The following RIMS2 variants were observed in gnomAD, a reference collection of about 807,000 sequenced individuals.
RIMS2 encodes regulating synaptic membrane exocytosis 2.
A neutral mutation model predicts 174.4 loss-of-function variants in RIMS2; 59 were observed. The observed-to-expected ratio is 0.34, with a 90% CI of 0.27 to 0.42. The LOEUF (loss-of-function observed/expected upper bound fraction) is 0.42, where lower values mean the gene tolerates loss of function less well. Ranked by LOEUF, RIMS2 falls within the 10% of genes least tolerant of loss-of-function variation. The pLI, the probability that RIMS2 is intolerant of heterozygous loss-of-function variation, is 1.00. For synonymous variants in RIMS2, 606 were observed against 572.5 expected (o/e 1.06, Z -0.84); for missense variants, 1,620 against 1,666.3 (o/e 0.97, Z 0.48).
chr8:103,516,294 A>T (rs1828923742), intron 1 of RIMS2, among the ~76,000 whole-genome samples: 1 of 152,158 alleles, frequency 6.6e-6, no homozygotes, highest in Non-Finnish European at 1.5e-5. Flanking sequence ...ACAGGAACCA[A>T]AATTTGAGAA....
chr8:103,723,727 T>A (rs1384354391), intron 2 of RIMS2, among the ~76,000 whole-genome samples: 1 of 152,198 alleles, frequency 6.6e-6, no homozygotes, highest in East Asian at 1.9e-4. Context: ...AGCCTGGTGA[T>A]GGGACTTGCT....
chr8:104,072,701 C>T (rs2154561822), intron 19 of RIMS2, among the ~76,000 whole-genome samples: 1 of 152,080 alleles, frequency 6.6e-6, no homozygotes, highest in Non-Finnish European at 1.5e-5. Context: ...GGCATTGCTC[C>T]CTGAATTTCT....
chr8:103,505,284 T>C (rs1390726833), intron 1 of RIMS2, among the ~76,000 whole-genome samples: 2 of 152,148 alleles, frequency 1.3e-5, no homozygotes, highest in African/African-American at 2.4e-5. Context: ...ATTGTGTGTG[T>C]CTGTATATGT....
chr8:104,169,086 G>C (rs1484738453), intron 19 of RIMS2, among the ~76,000 whole-genome samples: 1 of 151,460 alleles, frequency 6.6e-6, no homozygotes, highest in African/African-American at 2.4e-5. Flanking sequence ...TATTAAATAT[G>C]TTCATTATGG....
chr8:103,842,400 AAAT>A (rs2098945520), intron 3 of RIMS2, among the ~76,000 whole-genome samples: 1 of 152,146 alleles, frequency 6.6e-6, no homozygotes, highest in Non-Finnish European at 1.5e-5. Flanking sequence ...AACTAAAAAT[AAAT>A]AATGTGGCAA....
At chr8:103,839,651 T>C (rs962275895) in intron 3 of RIMS2, among the ~76,000 whole-genome samples, 2 of 152,302 alleles carry the variant, frequency 1.3e-5, no homozygotes, top group Admixed American at 1.3e-4. Context: ...AGGTGCAGTC[T>C]ACTAGGCTCC....
At chr8:104,068,538 C>G (rs565054494) in intron 19 of RIMS2, 1 of 1,555,668 alleles carries the variant, frequency 6.4e-7, no homozygotes, top group Non-Finnish European at 8.7e-7. Flanking sequence ...GGAGAGAAAT[C>G]GCCAAATGAA....
chr8:103,921,319 ATGT>A (rs2077611923), intron 9 of RIMS2, among the ~76,000 whole-genome samples: 1 of 152,050 alleles, frequency 6.6e-6, no homozygotes, highest in Non-Finnish European at 1.5e-5. Context: ...TTAATGATTT[ATGT>A]TTTGATTACT....
intron 19 of RIMS2, among the ~76,000 whole-genome samples, chr8:104,189,425 T>C (rs1165628497): frequency 6.6e-6 from 1 of 151,808 alleles, no homozygotes. Context: ...CTTAGGTGTG[T>C]CCCTTCACTT....
intron 3 of RIMS2, among the ~76,000 whole-genome samples, chr8:103,839,260 T>C (rs1286878645): frequency 6.6e-6 from 1 of 152,240 alleles, no homozygotes; most frequent in East Asian, 1.9e-4. Flanking sequence ...GGATTCATTT[T>C]CTTGCTTCTT....
chr8:103,575,681 C>CATAT (rs199658419), intron 1 of RIMS2, among the ~76,000 whole-genome samples: 315 of 141,886 alleles, frequency 2.2e-3, no homozygotes, highest in Non-Finnish European at 2.9e-3. Context: ...TACACACACA[C>CATAT]ACACATATAT....
chr8:103,930,246 G>A (rs1022434052), intron 11 of RIMS2, among the ~76,000 whole-genome samples: 17 of 151,932 alleles, frequency 1.1e-4, no homozygotes, highest in African/African-American at 4.1e-4. Context: ...TGACTCAAAA[G>A]TTGCTCGGTG....
intron 19 of RIMS2, among the ~76,000 whole-genome samples, chr8:104,087,110 TA>T (rs2097549556): frequency 6.6e-6 from 1 of 152,142 alleles, no homozygotes; most frequent in Non-Finnish European, 1.5e-5. Context: ...ATTAGGTGAC[TA>T]AACTCTATAC....
intron 1 of RIMS2, among the ~76,000 whole-genome samples, chr8:103,594,800 T>C (rs1164162966): frequency 1.3e-5 from 2 of 151,788 alleles, no homozygotes; most frequent in Admixed American, 6.6e-5. Context: ...TTCAAATCTT[T>C]AGATGTGTTT....
At chr8:104,105,527 C>G (rs2098031093) in intron 19 of RIMS2, among the ~76,000 whole-genome samples, 1 of 151,922 alleles carries the variant, frequency 6.6e-6, no homozygotes. Context: ...AATTCAATAC[C>G]ATATCTCTCT....
At chr8:103,924,807 G>GT (rs912514714) in intron 10 of RIMS2, among the ~76,000 whole-genome samples, 39 of 151,682 alleles carry the variant, frequency 2.6e-4, no homozygotes, top group African/African-American at 8.9e-4. Flanking sequence ...GCTCAAGGCT[G>GT]TTGATTTTTT....
intron 19 of RIMS2, among the ~76,000 whole-genome samples, chr8:104,141,070 T>G (rs1393344031): frequency 6.6e-6 from 1 of 152,144 alleles, no homozygotes; most frequent in Non-Finnish European, 1.5e-5. Context: ...GCTTAATTGT[T>G]TTTAAAGAAG....
At chr8:104,139,423 C>T (rs960428827) in intron 19 of RIMS2, among the ~76,000 whole-genome samples, 4 of 151,942 alleles carry the variant, frequency 2.6e-5, no homozygotes, top group Non-Finnish European at 4.4e-5. Context: ...TTTTTTGTGT[C>T]CTCTTCAATT....
intron 2 of RIMS2, among the ~76,000 whole-genome samples, chr8:103,724,076 A>T (rs552356241): frequency 7.7e-6 from 1 of 130,362 alleles, no homozygotes; most frequent in African/African-American, 2.9e-5. Context: ...CACAGAAATG[A>T]TCTCTCTTGG....
Sources: gnomAD v4.1 joint callset for allele counts (sites outside exome capture counted in the v4.1 genomes callset) on GRCh38, gnomAD v4.1.1 for gene constraint, MANE v1.5 for transcripts, NCBI Gene and HGNC (gene_info 2026-07-23, HGNC 2026-07-21) for gene names.